The following UVRAG variants were observed in gnomAD, a reference collection of about 807,000 sequenced individuals.
The protein encoded by UVRAG is UV radiation resistance-associated gene protein.
UVRAG carries 19 observed loss-of-function variants against 78.0 expected under a neutral mutation model. That is an observed-to-expected ratio of 0.24 (90% CI 0.17 to 0.36). The LOEUF is 0.36. Among genes scored for constraint, UVRAG ranks in the 10% least tolerant of loss-of-function variants. UVRAG has a pLI of 1.00. For synonymous variants in UVRAG, 323 were observed against 324.6 expected, an observed-to-expected ratio of 1.00 and a Z score of 0.05; for missense variants, 740 against 853.8, an observed-to-expected ratio of 0.87 and a Z score of 1.66.
At chr11:76,097,420 T>G (rs1293001485) in intron 13 of UVRAG, among the ~76,000 whole-genome samples, 1 of 152,148 alleles carries the variant, frequency 6.6e-6, no homozygotes, top group Non-Finnish European at 1.5e-5. Context: ...TCCCTGCCCT[T>G]TCACTCACTG....
chr11:75,842,687 G>A (rs756571425), intron 1 of UVRAG, among the ~76,000 whole-genome samples: 13 of 152,000 alleles, frequency 8.6e-5, no homozygotes, highest in Non-Finnish European at 1.6e-4. Context: ...TGATCTGCTC[G>A]CCTCAGCCTC....
intron 14 of UVRAG, among the ~76,000 whole-genome samples, chr11:76,126,784 G>A (rs777608782): frequency 1.4e-4 from 21 of 152,126 alleles, no homozygotes; most frequent in African/African-American, 3.9e-4. Flanking sequence ...ATTGGAAAGC[G>A]GAAGAGGGGG....
chr11:75,841,784 C>G (rs1271477041), intron 1 of UVRAG, among the ~76,000 whole-genome samples: 1 of 152,124 alleles, frequency 6.6e-6, no homozygotes, highest in Admixed American at 6.5e-5. Context: ...CCGTGTCAAC[C>G]CCAGTAGAGA....
chr11:75,877,867 C>T (rs1946836653), intron 3 of UVRAG, among the ~76,000 whole-genome samples: 1 of 141,582 alleles, frequency 7.1e-6, no homozygotes, highest in African/African-American at 2.6e-5. Context: ...GGGGGGCTGA[C>T]CCCCCCACCT....
At chr11:76,030,263 C>T (rs1950410299) in intron 12 of UVRAG, among the ~76,000 whole-genome samples, 1 of 152,020 alleles carries the variant, frequency 6.6e-6, no homozygotes, top group African/African-American at 2.4e-5. Flanking sequence ...AAACTCCTGG[C>T]ATCAAGCGAT....
At chr11:75,981,011 G>T (rs939920365) in intron 7 of UVRAG, among the ~76,000 whole-genome samples, 6 of 152,052 alleles carry the variant, frequency 3.9e-5, no homozygotes, top group African/African-American at 1.4e-4. Flanking sequence ...CAAAGAACCA[G>T]TTGTTGGTTT....
At chr11:76,090,862 T>C (rs1361993416) in intron 13 of UVRAG, among the ~76,000 whole-genome samples, 1 of 152,198 alleles carries the variant, frequency 6.6e-6, no homozygotes, top group Non-Finnish European at 1.5e-5. Flanking sequence ...GAGAAATCTC[T>C]CCTAGAACTT....
At chr11:76,013,579 T>C (rs1591132887) in intron 11 of UVRAG, among the ~76,000 whole-genome samples, 1 of 152,332 alleles carries the variant, frequency 6.6e-6, no homozygotes, top group African/African-American at 2.4e-5. Flanking sequence ...GTTTTGGCTG[T>C]GGCAGGTAAA....
chr11:76,068,186 G>C (rs1344505765), intron 13 of UVRAG, among the ~76,000 whole-genome samples: 1 of 152,206 alleles, frequency 6.6e-6, no homozygotes, highest in Non-Finnish European at 1.5e-5. Flanking sequence ...GAATACCACA[G>C]CTTGCTTTGG....
In UVRAG at chr11:76,079,491, G is replaced by GAA. The variant is rs113475742; in HGVS notation, c.1305+13713_1305+13714dup. 7.5e-3 allele frequency among the ~76,000 whole-genome samples: 1,059 copies of GAA among 140,464 alleles called. 16 individuals carry two copies. Among genetic ancestry groups the GAA allele is most frequent in the African/African-American group, 0.026 (1,011 of 38,908 alleles). 92.1% of individuals were successfully genotyped at this position (140,464 alleles called of 152,430 possible). ...CAGTGAAACCCTGTCTCAAAAAAAA[G>GAA]AAAAAAAAAAAGATTAAGATGAAAT... On this transcript the variant is annotated intron_variant, in intron 13 of 14. Coordinates refer to ENST00000356136, the MANE Select transcript of UVRAG (RefSeq NM_003369.4).
At chr11:75,957,965 G>C (rs539099574) in intron 6 of UVRAG, among the ~76,000 whole-genome samples, 1 of 152,142 alleles carries the variant, frequency 6.6e-6, no homozygotes, top group East Asian at 1.9e-4. Flanking sequence ...TTCCCAGTGC[G>C]TATAAAAGTT....
intron 1 of UVRAG, among the ~76,000 whole-genome samples, chr11:75,840,669 C>T (rs142500220): frequency 3.9e-5 from 6 of 152,180 alleles, no homozygotes; most frequent in African/African-American, 1.4e-4. Flanking sequence ...TAATTTGTGC[C>T]AGAGAAAGCT....
At chr11:75,948,606 G>T (rs961463560) in intron 6 of UVRAG, among the ~76,000 whole-genome samples, 2 of 152,120 alleles carry the variant, frequency 1.3e-5, no homozygotes, top group African/African-American at 2.4e-5. Flanking sequence ...TTTAAAAAAT[G>T]GAAAATTCAT....
At chr11:75,945,341 C>A (rs1948568426) in intron 6 of UVRAG, among the ~76,000 whole-genome samples, 1 of 152,088 alleles carries the variant, frequency 6.6e-6, no homozygotes, top group Non-Finnish European at 1.5e-5. Flanking sequence ...GGAGCACAGA[C>A]ACTACCAAGT....
intron 12 of UVRAG, among the ~76,000 whole-genome samples, chr11:76,046,308 G>A (rs1211160723): frequency 6.6e-6 from 1 of 152,196 alleles, no homozygotes; most frequent in Non-Finnish European, 1.5e-5. Context: ...GGATCTCAGG[G>A]TGAAGGGAAA....
intron 6 of UVRAG, among the ~76,000 whole-genome samples, chr11:75,938,369 A>G (rs1047799217): frequency 1.3e-5 from 2 of 151,930 alleles, no homozygotes; most frequent in African/African-American, 4.8e-5. Context: ...CTCATTTTGG[A>G]TTGTATTTTC....
chr11:76,087,793 G>A (rs1311998565), intron 13 of UVRAG, among the ~76,000 whole-genome samples: 1 of 152,178 alleles, frequency 6.6e-6, no homozygotes, highest in Non-Finnish European at 1.5e-5. Flanking sequence ...GGTTACTACA[G>A]CGGGCCTGAT....
intron 13 of UVRAG, among the ~76,000 whole-genome samples, chr11:76,084,298 T>A (rs1296814797): frequency 6.6e-6 from 1 of 152,230 alleles, no homozygotes; most frequent in Non-Finnish European, 1.5e-5. Context: ...ACATCTTCCA[T>A]CAGTGCTTTC....
At chr11:75,999,922 C>G (rs1432336607) in intron 8 of UVRAG, among the ~76,000 whole-genome samples, 1 of 152,138 alleles carries the variant, frequency 6.6e-6, no homozygotes, top group Non-Finnish European at 1.5e-5. Context: ...TAAAACACTT[C>G]CCATCCCAAG....
Sources: allele counts gnomAD v4.1 joint callset (sites outside exome capture counted in the v4.1 genomes callset), GRCh38; gene constraint gnomAD v4.1.1; transcripts MANE v1.5; gene names NCBI Gene and HGNC (gene_info 2026-07-23, HGNC 2026-07-21).